PTPRN2: variants seen among roughly 807,000 people sequenced by gnomAD.
PTPRN2 encodes receptor-type tyrosine-protein phosphatase N2.
A neutral mutation model predicts 118.8 loss-of-function variants in PTPRN2; 74 were observed. The ratio of observed to expected loss-of-function variants is 0.62; its 90% CI spans 0.52 to 0.76. PTPRN2 has a LOEUF of 0.76. PTPRN2 is among the 30% of genes least tolerant of loss of function. PTPRN2 has a pLI of 0.00. For synonymous variants in PTPRN2, 641 were observed against 608.0 expected (o/e 1.05, Z -0.80); for missense variants, 1,481 against 1,394.4 (o/e 1.06, Z -0.99).
intron 17 of PTPRN2, among the ~76,000 whole-genome samples, chr7:157,588,062 C>T (rs555359891): frequency 6.6e-6 from 1 of 152,278 alleles, no homozygotes; most frequent in Admixed American, 6.5e-5. Context: ...TGTGCCTGGG[C>T]TCCAGGGCCC....
At chr7:158,194,342 A>G (rs1413687064) in intron 4 of PTPRN2, among the ~76,000 whole-genome samples, 2 of 152,210 alleles carry the variant, frequency 1.3e-5, no homozygotes, top group African/African-American at 4.8e-5. Context: ...TATGTCCATA[A>G]AAGAACGGGC....
rs537131421 is a variant in PTPRN2 at position 158,365,819 on chromosome 7, C to A, written c.164-48887G>T. Among the ~76,000 whole-genome samples the A allele has an allele frequency of 2.5e-5, 3 of 117,970 alleles. No individual in the cohort carries two copies. In the South Asian group the frequency reaches 9.9e-4, roughly 39 times the overall value. 77.4% of individuals were successfully genotyped at this position (117,970 alleles called of 152,430 possible). ...CACACAGCATCCCTGGGAGAAGCCGCAGACCAGTGCATGCGTGCACACACA... is the reference window on the plus strand; with the variant it reads ...CACACAGCATCCCTGGGAGAAGCCGAAGACCAGTGCATGCGTGCACACACA... On this transcript the variant is annotated intron_variant, in intron 2 of 22. Coordinates refer to ENST00000389418, the MANE Select transcript of PTPRN2 (RefSeq NM_002847.5).
At chr7:158,374,341 G>A (rs989353815) in intron 2 of PTPRN2, among the ~76,000 whole-genome samples, 1 of 152,116 alleles carries the variant, frequency 6.6e-6, no homozygotes, top group Non-Finnish European at 1.5e-5. Context: ...AATGCTGCAG[G>A]CCAAGAACAC....
At chr7:158,423,406 G>A (rs1156933571) in intron 2 of PTPRN2, among the ~76,000 whole-genome samples, 4 of 152,224 alleles carry the variant, frequency 2.6e-5, no homozygotes, top group Non-Finnish European at 5.9e-5. Context: ...GTGAACCCTA[G>A]GGACATGAAA....
chr7:157,664,914 C>T (rs972201117), intron 13 of PTPRN2, among the ~76,000 whole-genome samples: 3 of 152,360 alleles, frequency 2.0e-5, no homozygotes, highest in South Asian at 2.1e-4. Context: ...TTATAATCCT[C>T]GGTAAACACA....
At chr7:158,100,112 T>C (rs1264596112) in intron 10 of PTPRN2, among the ~76,000 whole-genome samples, 1 of 151,916 alleles carries the variant, frequency 6.6e-6, no homozygotes, top group Non-Finnish European at 1.5e-5. Flanking sequence ...CTCCCACTTA[T>C]GAGTGAGAAC....
At chr7:158,554,835 T>C (rs1826872576) in intron 1 of PTPRN2, among the ~76,000 whole-genome samples, 1 of 152,060 alleles carries the variant, frequency 6.6e-6, no homozygotes, top group Admixed American at 6.6e-5. Flanking sequence ...ATGCCGCACA[T>C]AGCCATCTCT....
rs12155424 is a variant in PTPRN2, at chr7:157,831,691, T to C, written c.1788+66982A>G. On this transcript the variant is annotated intron_variant, in intron 12 of 22. Coordinates refer to ENST00000389418, the MANE Select transcript of PTPRN2 (RefSeq NM_002847.5). This position sits in a 1 kb window ranked among gnomAD's most constrained non-coding sequence, Gnocchi z 4.8. ...TGTTCTGCACTGAGCTCCCCTCTAC[T>C]TCGGGCCTGCGAGAAGCAGGGAAGG... Among the ~76,000 whole-genome samples, 5,170 of 152,256 alleles carry C rather than the reference T, an allele frequency of 0.034. 235 individuals carry two copies. The highest frequency in any genetic ancestry group is 0.21 in the East Asian group (1,101 of 5,146).
intron 12 of PTPRN2, among the ~76,000 whole-genome samples, chr7:157,728,599 A>G (rs1311353752): frequency 6.6e-6 from 1 of 152,242 alleles, no homozygotes; most frequent in African/African-American, 2.4e-5. Context: ...TAACTTATCC[A>G]CAGAAAGGCT....
intron 5 of PTPRN2, 132 bp from the exon 6 acceptor site, chr7:158,167,423 A>C: frequency 8.2e-7 from 1 of 1,217,434 alleles, no homozygotes; most frequent in Admixed American, 2.6e-5. Context: ...CTTCGGTCTC[A>C]GGTTCAAGGT....
Position 158,192,466 on chromosome 7 carries a change from C to T in PTPRN2, c.410G>A (p.Arg137Lys), listed in dbSNP as rs1825850372. 1 of 1,578,846 alleles carries T rather than the reference C, an allele frequency of 6.3e-7. No individual in the cohort carries two copies. Among genetic ancestry groups the T allele is most frequent in the Non-Finnish European group, 8.6e-7 (1 of 1,167,402 alleles). Residue 137 changes from arginine to lysine, a missense_variant, in exon 5 of 23, where the codon AGG becomes AAG. This residue lies in a region of PTPRN2 where 1,115 missense variants were observed against 994.2 expected (regional missense o/e 1.12). Coordinates refer to ENST00000389418, the MANE Select transcript of PTPRN2 (RefSeq NM_002847.5). ...RPSKHSVGSE[R>K]RYSREGGAAL... ...AGCACCGCCCTCCCGACTGTACCTC[C>T]TCTCGCTGCCAACGCTGTGTTTTGA...
chr7:157,684,797 C>G (rs922312280), intron 12 of PTPRN2, among the ~76,000 whole-genome samples: 1 of 152,014 alleles, frequency 6.6e-6, no homozygotes, highest in African/African-American at 2.4e-5. Context: ...GGGGTCTCCT[C>G]GGTCCCCGCG....
chr7:158,394,701 G>A (rs775165485), intron 2 of PTPRN2, among the ~76,000 whole-genome samples: 10 of 152,264 alleles, frequency 6.6e-5, no homozygotes, highest in Admixed American at 6.5e-4. Context: ...ACGAGCTAGC[G>A]TCAAAGCTTC....
intron 2 of PTPRN2, among the ~76,000 whole-genome samples, chr7:158,321,733 G>A (rs1254170354): frequency 6.6e-6 from 1 of 152,182 alleles, no homozygotes; most frequent in Non-Finnish European, 1.5e-5. Context: ...TGAAAACTGT[G>A]GGCTCCCTGT....
At chr7:158,151,410 C>G (rs1344101640) in intron 6 of PTPRN2, among the ~76,000 whole-genome samples, 15 of 66,708 alleles carry the variant, frequency 2.2e-4, no homozygotes, top group African/African-American at 6.6e-4. Flanking sequence ...TCCTGCCTCT[C>G]CCTGCCCACA....
intron 12 of PTPRN2, among the ~76,000 whole-genome samples, chr7:157,793,358 T>G (rs1439115822): frequency 6.6e-6 from 1 of 151,836 alleles, no homozygotes; most frequent in African/African-American, 2.4e-5. Flanking sequence ...CCTTTACATT[T>G]TGGGGTGCTC....
rs147312716 is a variant in PTPRN2, at chr7:157,948,564, G to T, written c.1724-49827C>A. ...GAGGAAAAAAGGTGTAAGACATACA[G>T]AAACCAGCAGCAAAGTGGCAGAAGT... is the stretch of plus-strand genomic sequence containing the variant. On this transcript the variant is annotated intron_variant, in intron 11 of 22. Transcript: ENST00000389418. Among the ~76,000 whole-genome samples, 24 of 152,326 alleles carry T rather than the reference G, an allele frequency of 1.6e-4. No individual in the cohort carries two copies. The East Asian group carries it at 4.4e-3, about 28-fold the overall frequency.
intron 11 of PTPRN2, among the ~76,000 whole-genome samples, chr7:157,927,412 G>C (rs111951812): frequency 1.0e-3 from 87 of 84,894 alleles, no homozygotes; most frequent in African/African-American, 5.3e-3. Flanking sequence ...ACCCGTCTGA[G>C]AGCAGAGGCC....
At chr7:158,550,033 G>A (rs1826542664) in intron 1 of PTPRN2, among the ~76,000 whole-genome samples, 2 of 152,198 alleles carry the variant, frequency 1.3e-5, no homozygotes, top group South Asian at 2.1e-4. Context: ...AGAGGTCGGC[G>A]TCAGGAAGGA....
Sources: gnomAD v4.1 joint callset for allele counts (sites outside exome capture counted in the v4.1 genomes callset) on GRCh38, gnomAD v4.1.1 for gene constraint, gnomAD v4.1.1 regional missense constraint, Gnocchi (gnomAD v3.1) non-coding constraint, MANE v1.5 for transcripts, NCBI Gene and HGNC (gene_info 2026-07-23, HGNC 2026-07-21) for gene names.